The following CCDC6 variants were observed in gnomAD, a reference collection of about 807,000 sequenced individuals.
CCDC6 encodes coiled-coil domain-containing protein 6.
A neutral mutation model predicts 56.6 loss-of-function variants in CCDC6; 20 were observed. That is an observed-to-expected ratio of 0.35 (90% confidence interval 0.25 to 0.51). The LOEUF is 0.51. Ranked by LOEUF, CCDC6 falls within the 20% of genes least tolerant of loss-of-function variation. The probability of loss-of-function intolerance (pLI) is 0.95; values close to 1 mark genes in which losing one functional copy is unlikely to be tolerated. For synonymous variants in CCDC6, 241 were observed against 234.4 expected, an observed-to-expected ratio of 1.03 and a Z score of -0.26; for missense variants, 367 against 601.1, an observed-to-expected ratio of 0.61 and a Z score of 4.07.
chr10:59,886,839 C>T (rs1230418010), intron 1 of CCDC6, among the ~76,000 whole-genome samples: 3 of 152,104 alleles, frequency 2.0e-5, no homozygotes, highest in Non-Finnish European at 4.4e-5. Flanking sequence ...ATCAACTAGG[C>T]AGGTACAGAA....
chr10:59,854,260 C>T (rs979177378), intron 1 of CCDC6, among the ~76,000 whole-genome samples: 5 of 152,178 alleles, frequency 3.3e-5, no homozygotes, highest in African/African-American at 9.7e-5. Context: ...AACATCCACA[C>T]ACTCTAATAT....
At chr10:59,871,034 G>A (rs189156353) in intron 1 of CCDC6, among the ~76,000 whole-genome samples, 84 of 152,132 alleles carry the variant, frequency 5.5e-4, no homozygotes, top group African/African-American at 1.8e-3. Context: ...TGAAAAGCTC[G>A]CCTGAGATAC....
intron 1 of CCDC6, among the ~76,000 whole-genome samples, chr10:59,893,601 GT>G (rs2132683939): frequency 6.7e-6 from 1 of 148,884 alleles, no homozygotes; most frequent in South Asian, 2.2e-4. Context: ...GTGAGACTTT[GT>G]CTCAAACAAA....
At chr10:59,896,029 ATGT>A (rs1589065467) in intron 1 of CCDC6, among the ~76,000 whole-genome samples, 1 of 152,174 alleles carries the variant, frequency 6.6e-6, no homozygotes, top group East Asian at 1.9e-4. Context: ...CAGGAAAGTA[ATGT>A]TGTGCACACT....
intron 3 of CCDC6, among the ~76,000 whole-genome samples, chr10:59,830,117 A>G (rs1482651318): frequency 2.6e-5 from 4 of 152,238 alleles, no homozygotes; most frequent in Non-Finnish European, 4.4e-5. Flanking sequence ...ATGTGGGAGC[A>G]TATGTGATAA....
At chr10:59,901,659 G>A (rs1294725606) in intron 1 of CCDC6, among the ~76,000 whole-genome samples, 1 of 152,122 alleles carries the variant, frequency 6.6e-6, no homozygotes, top group African/African-American at 2.4e-5. Flanking sequence ...ACATACCAAA[G>A]GTCTGAAACT....
At chr10:59,884,127 G>A (rs1010033876) in intron 1 of CCDC6, among the ~76,000 whole-genome samples, 1 of 152,058 alleles carries the variant, frequency 6.6e-6, no homozygotes, top group African/African-American at 2.4e-5. Flanking sequence ...TTACTTCTAA[G>A]CCAATTAAGC....
intron 1 of CCDC6, among the ~76,000 whole-genome samples, chr10:59,853,402 C>T (rs1228141486): frequency 6.6e-6 from 1 of 152,060 alleles, no homozygotes; most frequent in Non-Finnish European, 1.5e-5. Context: ...GGCATGGTGG[C>T]ACATGCCTGT....
At position 59,822,927 on chromosome 10, in the gene CCDC6, G is replaced by A. The variant is rs117640324; in HGVS notation, c.583-8172C>T. On this transcript the variant is annotated intron_variant, in intron 3 of 8. Transcript: ENST00000263102. ...AAAAAAAACAACCCCAGACTCAGCCGGTAGACAGGACTACAGCTGGAGGTT... is the reference window on the plus strand; with the variant it reads ...AAAAAAAACAACCCCAGACTCAGCCAGTAGACAGGACTACAGCTGGAGGTT... Among the ~76,000 whole-genome samples, 850 of 151,424 alleles carry A rather than the reference G, an allele frequency of 5.6e-3. 10 individuals carry two copies. The highest frequency in any genetic ancestry group is 0.033 in the East Asian group (168 of 5,152).
intron 8 of CCDC6, among the ~76,000 whole-genome samples, 169 bp downstream of exon 8, chr10:59,794,304 A>C (rs1156391776): frequency 6.6e-6 from 1 of 152,234 alleles, no homozygotes; most frequent in Admixed American, 6.5e-5. Flanking sequence ...TTTAGTTTCA[A>C]TACCAGAATT....
chr10:59,861,714 G>A (rs1449227283), intron 1 of CCDC6, among the ~76,000 whole-genome samples: 26 of 152,160 alleles, frequency 1.7e-4, no homozygotes, highest in Admixed American at 1.6e-3. Context: ...TAGTAGATTT[G>A]GCATGGCTTA....
In CCDC6 at chr10:59,832,669, C is replaced by G. The variant is rs1291784177; in HGVS notation, c.454-16G>C. 1 of 1,609,644 alleles carries G rather than the reference C, an allele frequency of 6.2e-7. No homozygotes were observed. Among genetic ancestry groups the G allele is most frequent in the East Asian group, 2.2e-5 (1 of 44,814 alleles). ...CATGCTGCAACTGGAAAATGAAAAA[C>G]ACCGAGATGTGGAAATCAGGCAACT... On this transcript the variant is annotated splice_polypyrimidine_tract_variant and intron_variant, in intron 2 of 8. Transcript: ENST00000263102.
Position 59,832,550 on chromosome 10 carries a change from A to T in CCDC6, c.557T>A (p.Ile186Asn). ...KKIKKLENDT[I>N]SKQLTLEQLR... ...CTGTTCTAATGTAAGTTGCTTAGAA[A>T]TGGTGTCATTCTCCAGTTTTTTAAT... is the stretch of plus-strand genomic sequence containing the variant. The change falls in exon 3 of 9, where the codon ATT becomes AAT. Residue 186 changes from isoleucine (I) to asparagine (N), a missense_variant. Physicochemically the swap from Ile to Asn is moderately radical, Grantham distance 149. Around this residue, in one of 7 missense-constraint regions of CCDC6, gnomAD observed 31 missense variants for 124.2 expected, o/e 0.25. Coordinates refer to ENST00000263102, the MANE Select transcript of CCDC6 (RefSeq NM_005436.5). 6.2e-7 allele frequency: 1 copy of T among 1,613,494 alleles called. No individual in the cohort carries two copies. The highest frequency in any genetic ancestry group is 8.5e-7 in the Non-Finnish European group (1 of 1,179,568).
At chr10:59,837,746 CAAAAAAAAAAA>C (rs397940135) in intron 2 of CCDC6, among the ~76,000 whole-genome samples, 6 of 49,748 alleles carry the variant, frequency 1.2e-4, no homozygotes, top group South Asian at 1.4e-3. Flanking sequence ...GACTCTGTCT[CAAAAAAAAAAA>C]AAAAAAAAAA....
intron 1 of CCDC6, among the ~76,000 whole-genome samples, chr10:59,863,859 T>C (rs991369710): frequency 2.0e-5 from 3 of 152,210 alleles, no homozygotes; most frequent in African/African-American, 7.2e-5. Flanking sequence ...TACATCACTA[T>C]AACAATTCAC....
At chr10:59,890,902 C>A (rs1249297887) in intron 1 of CCDC6, among the ~76,000 whole-genome samples, 1 of 152,030 alleles carries the variant, frequency 6.6e-6, no homozygotes, top group African/African-American at 2.4e-5. Context: ...CCACGACAGG[C>A]CCCGGTGTGT....
intron 3 of CCDC6, among the ~76,000 whole-genome samples, chr10:59,816,412 T>C (rs1248107673): frequency 6.6e-6 from 1 of 152,084 alleles, no homozygotes. Context: ...TACAAACAGG[T>C]ACAGTCACAA....
chr10:59,832,365 T>G (rs1056683908), intron 3 of CCDC6, among the ~76,000 whole-genome samples, 160 bp downstream of exon 3: 4 of 152,234 alleles, frequency 2.6e-5, no homozygotes, highest in South Asian at 2.1e-4. Context: ...ATAGGAACTA[T>G]GTAAACCTGT....
At chr10:59,874,011 T>C (rs760970568) in intron 1 of CCDC6, among the ~76,000 whole-genome samples, 1 of 152,080 alleles carries the variant, frequency 6.6e-6, no homozygotes, top group Non-Finnish European at 1.5e-5. Flanking sequence ...AAATCAACCA[T>C]GGTCAGTGAA....
Sources: allele counts gnomAD v4.1 joint callset (sites outside exome capture counted in the v4.1 genomes callset), GRCh38; gene constraint gnomAD v4.1.1; regional missense constraint gnomAD v4.1.1; transcripts MANE v1.5; gene names NCBI Gene and HGNC (gene_info 2026-07-23, HGNC 2026-07-21).